ERP44: variants seen among roughly 807,000 people sequenced by gnomAD.
ERP44 encodes endoplasmic reticulum protein 44.
A neutral mutation model predicts 53.4 loss-of-function variants in ERP44; 25 were observed. The observed-to-expected ratio is 0.47, with a 90% CI of 0.34 to 0.65. ERP44 has a LOEUF of 0.65. ERP44 is among the 30% of genes least tolerant of loss of function. The pLI is 0.01. For synonymous variants in ERP44, 145 were observed against 161.2 expected (o/e 0.90, Z 0.76); for missense variants, 338 against 493.2 (o/e 0.69, Z 2.98).
chr9:100,056,075 G>A (rs915316580), intron 3 of ERP44, among the ~76,000 whole-genome samples: 1 of 152,194 alleles, frequency 6.6e-6, no homozygotes, highest in African/African-American at 2.4e-5. Flanking sequence ...CAAAAGATCA[G>A]CAGCACATTC....
intron 10 of ERP44, among the ~76,000 whole-genome samples, chr9:99,992,925 A>C (rs1437974259): frequency 6.6e-6 from 1 of 152,224 alleles, no homozygotes; most frequent in African/African-American, 2.4e-5. Context: ...TGCTACAAAG[A>C]GAATAAAATA....
intron 4 of ERP44, among the ~76,000 whole-genome samples, chr9:100,045,810 G>A (rs541312216): frequency 1.6e-4 from 24 of 152,182 alleles, no homozygotes; most frequent in African/African-American, 4.8e-4. Context: ...TTCTGTCCTT[G>A]CTAGGAAGCT....
intron 10 of ERP44, among the ~76,000 whole-genome samples, chr9:100,000,055 T>C (rs1830360785): frequency 6.6e-6 from 1 of 152,174 alleles, no homozygotes; most frequent in Non-Finnish European, 1.5e-5. Context: ...TGTTGAGGAC[T>C]TTTGCATCTA....
intron 3 of ERP44, among the ~76,000 whole-genome samples, chr9:100,054,449 GCTT>G (rs996706775): frequency 1.3e-5 from 2 of 152,072 alleles, no homozygotes; most frequent in African/African-American, 4.8e-5. Context: ...CACATCAAGG[GCTT>G]CTTTTCTCTA....
chr9:100,052,839 A>G (rs1314714129), intron 3 of ERP44, among the ~76,000 whole-genome samples: 1 of 152,242 alleles, frequency 6.6e-6, no homozygotes, highest in East Asian at 1.9e-4. Context: ...GTCTGAAATA[A>G]GCCCTCTACA....
At chr9:100,061,527 CGT>C (rs1826148831) in intron 1 of ERP44, among the ~76,000 whole-genome samples, 1 of 129,130 alleles carries the variant, frequency 7.7e-6, no homozygotes, top group African/African-American at 3.5e-5. Flanking sequence ...TTTATAGAAA[CGT>C]ATATATTTAT....
At chr9:100,024,943 C>T (rs1830637193) in intron 4 of ERP44, among the ~76,000 whole-genome samples, 1 of 152,040 alleles carries the variant, frequency 6.6e-6, no homozygotes, top group Non-Finnish European at 1.5e-5. Flanking sequence ...AAAACTGACA[C>T]TAGAAGAAAC....
At chr9:100,066,265 G>A (rs1408158371) in intron 1 of ERP44, among the ~76,000 whole-genome samples, 1 of 152,214 alleles carries the variant, frequency 6.6e-6, no homozygotes, top group Non-Finnish European at 1.5e-5. Context: ...CATGCAAATT[G>A]CTGTGCTTTT....
At chr9:100,098,103 C>T (rs1254361711) in intron 1 of ERP44, among the ~76,000 whole-genome samples, 2 of 152,150 alleles carry the variant, frequency 1.3e-5, no homozygotes, top group Non-Finnish European at 2.9e-5. Context: ...TGGGATGATG[C>T]TGAGCAGGTT....
intron 1 of ERP44, among the ~76,000 whole-genome samples, chr9:100,075,047 TG>T (rs1826341280): frequency 6.6e-6 from 1 of 152,008 alleles, no homozygotes; most frequent in Non-Finnish European, 1.5e-5. Context: ...CCTAGAAAAA[TG>T]GTAAGTCAAA....
At chr9:100,019,998 T>G (rs1215627771) in intron 6 of ERP44, among the ~76,000 whole-genome samples, 1 of 151,864 alleles carries the variant, frequency 6.6e-6, no homozygotes. Context: ...AAAGGTGAAA[T>G]TATAGCTTAA....
At chr9:100,053,890 T>C (rs1238150253) in intron 3 of ERP44, among the ~76,000 whole-genome samples, 1 of 152,206 alleles carries the variant, frequency 6.6e-6, no homozygotes, top group East Asian at 1.9e-4. Context: ...TTAAATGATG[T>C]CAGTGAACAG....
Position 99,992,133 on chromosome 9 carries a change from T to A in ERP44, c.1017-7064A>T, listed in dbSNP as rs529889983. Among the ~76,000 whole-genome samples the A allele has an allele frequency of 7.2e-5, 11 of 152,062 alleles. No homozygotes were observed. In the East Asian group the frequency reaches 2.1e-3, roughly 29 times the overall value. Reference sequence around the variant, plus strand: ...TTCCTTCTGAAACTATTCCAATCAATAGAAAAAGAGAGAATCCTCCCTAAC... The same window carrying A: ...TTCCTTCTGAAACTATTCCAATCAAAAGAAAAAGAGAGAATCCTCCCTAAC... On this transcript the variant is annotated intron_variant, in intron 10 of 11. Transcript: ENST00000262455.
At chr9:100,059,734 C>A (rs762392838) in intron 2 of ERP44, among the ~76,000 whole-genome samples, 6 of 151,450 alleles carry the variant, frequency 4.0e-5, no homozygotes, top group Non-Finnish European at 7.4e-5. Context: ...CTTAACTGGA[C>A]CAATAACAAT....
chr9:100,038,834 A>G (rs1027702443), intron 4 of ERP44, among the ~76,000 whole-genome samples: 4 of 152,200 alleles, frequency 2.6e-5, no homozygotes, highest in African/African-American at 9.6e-5. Context: ...GGAAACCAAA[A>G]AAGAGCAAGA....
chr9:100,060,292 A>T (rs1029906234), intron 1 of ERP44, 120 bp from the exon 2 acceptor site: 3 of 1,084,636 alleles, frequency 2.8e-6, no homozygotes, highest in Admixed American at 9.2e-5. Context: ...ACATCAATTG[A>T]ATTGAATCTT....
intron 1 of ERP44, among the ~76,000 whole-genome samples, chr9:100,090,304 G>C (rs59700543): frequency 0.013 from 1,974 of 152,300 alleles, 34 homozygotes; most frequent in African/African-American, 0.046. Flanking sequence ...AGGAACTGAG[G>C]ATGTGCAGGT....
At chr9:100,059,538 T>C (rs1436665746) in intron 2 of ERP44, among the ~76,000 whole-genome samples, 1 of 152,052 alleles carries the variant, frequency 6.6e-6, no homozygotes, top group Non-Finnish European at 1.5e-5. Context: ...AAATTTAAAA[T>C]TAGCTACGTG....
intron 1 of ERP44, among the ~76,000 whole-genome samples, chr9:100,079,451 C>CAG (rs1826396779): frequency 6.6e-6 from 1 of 150,562 alleles, no homozygotes; most frequent in Admixed American, 6.6e-5. Flanking sequence ...CACACACACA[C>CAG]ACACAGACAC....
Sources: allele counts gnomAD v4.1 joint callset (sites outside exome capture counted in the v4.1 genomes callset), GRCh38; gene constraint gnomAD v4.1.1; transcripts MANE v1.5; gene names NCBI Gene and HGNC (gene_info 2026-07-23, HGNC 2026-07-21).